Variants in ATXN7L1 observed in about 807,000 individuals in gnomAD.
ATXN7L1 encodes ataxin-7-like protein 1.
A neutral mutation model predicts 70.8 loss-of-function variants in ATXN7L1; 15 were observed. That is an observed-to-expected ratio of 0.21 (90% CI 0.14 to 0.33). The LOEUF (loss-of-function observed/expected upper bound fraction) is 0.33, where lower values mean the gene tolerates loss of function less well. ATXN7L1 is among the 10% of genes least tolerant of loss of function. ATXN7L1 has a pLI of 1.00. For synonymous variants in ATXN7L1, 440 were observed against 445.1 expected (o/e 0.99, Z 0.14); for missense variants, 975 against 1,097.1 (o/e 0.89, Z 1.57).
chr7:105,813,979 C>T (rs955411852), intron 2 of ATXN7L1, among the ~76,000 whole-genome samples: 2 of 152,134 alleles, frequency 1.3e-5, no homozygotes, highest in Non-Finnish European at 2.9e-5. Flanking sequence ...CTTTTTAATG[C>T]CCCTCTAGCC....
At chr7:105,815,382 C>CT (rs1312876153) in intron 2 of ATXN7L1, among the ~76,000 whole-genome samples, 1 of 152,072 alleles carries the variant, frequency 6.6e-6, no homozygotes, top group Non-Finnish European at 1.5e-5. Context: ...GATCACTTAG[C>CT]TTTTTTAAAA....
chr7:105,767,514 G>A (rs1801437261), intron 3 of ATXN7L1, among the ~76,000 whole-genome samples: 2 of 152,218 alleles, frequency 1.3e-5, no homozygotes, highest in Admixed American at 1.3e-4. Flanking sequence ...TCTCTGCCAT[G>A]TGCTGAAATT....
At chr7:105,824,449 T>C (rs1472628500) in intron 2 of ATXN7L1, among the ~76,000 whole-genome samples, 1 of 151,942 alleles carries the variant, frequency 6.6e-6, no homozygotes, top group East Asian at 1.9e-4. Flanking sequence ...CACTTATTAA[T>C]GTCCTCAGAG....
intron 7 of ATXN7L1, among the ~76,000 whole-genome samples, chr7:105,634,747 G>C (rs1421586254): frequency 6.6e-6 from 1 of 152,120 alleles, no homozygotes; most frequent in Admixed American, 6.5e-5. Flanking sequence ...CTGAGAAACA[G>C]ATGTAGAAAC....
At chr7:105,630,194 G>T (rs957663203) in intron 7 of ATXN7L1, among the ~76,000 whole-genome samples, 3 of 152,278 alleles carry the variant, frequency 2.0e-5, no homozygotes, top group Non-Finnish European at 4.4e-5. Flanking sequence ...CCATAATGCT[G>T]CCATGAGCAT....
chr7:105,870,281 CAA>C (rs11324410), intron 2 of ATXN7L1, among the ~76,000 whole-genome samples: 411 of 125,306 alleles, frequency 3.3e-3, no homozygotes, highest in East Asian at 4.9e-3. Flanking sequence ...GACTCCATTT[CAA>C]AAAAAAAAAA....
At chr7:105,769,753 T>C (rs576753967) in intron 3 of ATXN7L1, among the ~76,000 whole-genome samples, 3 of 152,064 alleles carry the variant, frequency 2.0e-5, no homozygotes, top group African/African-American at 7.2e-5. Flanking sequence ...TCCTGAAGAG[T>C]AGATCCCTAG....
chr7:105,620,342 T>C, intron 8 of ATXN7L1, 21 bp from the exon 9 acceptor site: 1 of 1,533,878 alleles, frequency 6.5e-7, no homozygotes, highest in Non-Finnish European at 8.8e-7. Context: ...AAAAAAATTT[T>C]AATTTTGATT....
At chr7:105,702,989 G>A (rs188585687) in intron 3 of ATXN7L1, among the ~76,000 whole-genome samples, 9 of 152,314 alleles carry the variant, frequency 5.9e-5, no homozygotes, top group African/African-American at 9.6e-5. Flanking sequence ...GGCGGCGTGC[G>A]CCTGTAGTCC....
intron 7 of ATXN7L1, among the ~76,000 whole-genome samples, chr7:105,635,540 T>C: frequency 6.6e-6 from 1 of 152,212 alleles, no homozygotes; most frequent in Non-Finnish European, 1.5e-5. Context: ...ATGAGCAATC[T>C]GAGGTGAGAC....
chr7:105,733,506 C>CCATCCATCCATCCATCCATCCATCCATT (rs1563048370), intron 3 of ATXN7L1, among the ~76,000 whole-genome samples: 4 of 103,436 alleles, frequency 3.9e-5, no homozygotes, highest in East Asian at 3.7e-4. Flanking sequence ...ATCCATCCTT[C>CCATCCATCCATCCATCCATCCATCCATT]CATCCATCCA....
chr7:105,789,805 T>A (rs1804867469), intron 2 of ATXN7L1, among the ~76,000 whole-genome samples: 1 of 152,058 alleles, frequency 6.6e-6, no homozygotes, highest in South Asian at 2.1e-4. Context: ...ATCAGGTGCA[T>A]ACTGTTAAAA....
chr7:105,869,689 C>A (rs557125122), intron 2 of ATXN7L1, among the ~76,000 whole-genome samples: 1 of 152,308 alleles, frequency 6.6e-6, no homozygotes, highest in South Asian at 2.1e-4. Flanking sequence ...TGGAAACTTT[C>A]CACCAGTTTA....
intron 9 of ATXN7L1, among the ~76,000 whole-genome samples, chr7:105,616,321 G>A (rs1016025590): frequency 1.3e-5 from 2 of 152,176 alleles, no homozygotes; most frequent in African/African-American, 4.8e-5. Flanking sequence ...AAGAGGCACT[G>A]CTGAGAGATA....
At chr7:105,726,398 G>A (rs563368250) in intron 3 of ATXN7L1, among the ~76,000 whole-genome samples, 1 of 152,270 alleles carries the variant, frequency 6.6e-6, no homozygotes, top group East Asian at 1.9e-4. Context: ...CCCTCAGGCA[G>A]CACAGAAGTT....
At chr7:105,704,167 A>T (rs1331097571) in intron 3 of ATXN7L1, among the ~76,000 whole-genome samples, 2 of 152,200 alleles carry the variant, frequency 1.3e-5, no homozygotes, top group African/African-American at 4.8e-5. Context: ...AAATGGGTAG[A>T]CTTCAGGAAG....
At chr7:105,867,755 T>G (rs1817690747) in intron 2 of ATXN7L1, among the ~76,000 whole-genome samples, 2 of 152,232 alleles carry the variant, frequency 1.3e-5, no homozygotes, top group African/African-American at 4.8e-5. Context: ...ATTTTTCTTG[T>G]GTTCTTACCT....
At chr7:105,645,507 C>A (rs1002724838) in intron 4 of ATXN7L1, among the ~76,000 whole-genome samples, 3 of 150,942 alleles carry the variant, frequency 2.0e-5, no homozygotes, top group African/African-American at 7.3e-5. Context: ...ACTAAAAATA[C>A]AGAAATTGGC....
At chr7:105,617,368 T>A (rs778075022) in intron 9 of ATXN7L1, among the ~76,000 whole-genome samples, 12 of 152,206 alleles carry the variant, frequency 7.9e-5, no homozygotes, top group Non-Finnish European at 1.6e-4. Flanking sequence ...ATTTTCCAAT[T>A]AAATAGTATA....
Sources: gnomAD v4.1 joint callset for allele counts (sites outside exome capture counted in the v4.1 genomes callset) on GRCh38, gnomAD v4.1.1 for gene constraint, MANE v1.5 for transcripts, NCBI Gene and HGNC (gene_info 2026-07-23, HGNC 2026-07-21) for gene names.